Variants in FOXP2 observed in about 807,000 individuals in gnomAD.
FOXP2 encodes forkhead box P2, also known as forkhead box protein P2.
A neutral mutation model predicts 115.8 loss-of-function variants in FOXP2; 12 were observed. That is an observed-to-expected ratio of 0.10 (90% CI 0.07 to 0.17). FOXP2 has a LOEUF of 0.17. Among genes scored for constraint, FOXP2 ranks in the 10% least tolerant of loss-of-function variants. The pLI is 1.00. For missense variants in FOXP2, 629 were observed against 843.5 expected (o/e 0.75, Z 3.15); for synonymous variants, 328 against 297.7 (o/e 1.10, Z -1.05).
intron 10 of FOXP2, 21 bp downstream of exon 10, chr7:114,654,030 A>G (rs1353602902): frequency 1.9e-6 from 3 of 1,613,028 alleles, no homozygotes; most frequent in Non-Finnish European, 2.5e-6. Context: ...ATTGCTTTAT[A>G]AACAGTAAAT....
intron 2 of FOXP2, among the ~76,000 whole-genome samples, chr7:114,371,081 G>A (rs1375096750): frequency 6.6e-6 from 1 of 151,996 alleles, no homozygotes; most frequent in Non-Finnish European, 1.5e-5. Flanking sequence ...ATCTCAAATA[G>A]GAATACTCCT....
At chr7:114,633,071 A>G (rs1805007633) in intron 6 of FOXP2, among the ~76,000 whole-genome samples, 1 of 152,114 alleles carries the variant, frequency 6.6e-6, no homozygotes, top group Admixed American at 6.5e-5. Flanking sequence ...GTCAAGTTCA[A>G]ATGAAATCTG....
chr7:114,363,419 T>C (rs1424431818), intron 2 of FOXP2, among the ~76,000 whole-genome samples: 1 of 152,142 alleles, frequency 6.6e-6, no homozygotes, highest in African/African-American at 2.4e-5. Flanking sequence ...TTTAATGTTA[T>C]GTGGGAAAAA....
intron 1 of FOXP2, among the ~76,000 whole-genome samples, chr7:114,233,022 TG>T (rs1794924255): frequency 1.3e-5 from 2 of 151,890 alleles, no homozygotes; most frequent in African/African-American, 4.8e-5. Flanking sequence ...GGAGGAGAAA[TG>T]GGGAGCTTCC....
At chr7:114,557,551 C>T (rs909230097) in intron 3 of FOXP2, among the ~76,000 whole-genome samples, 3 of 150,418 alleles carry the variant, frequency 2.0e-5, no homozygotes, top group African/African-American at 7.4e-5. Context: ...CTAATTAGTG[C>T]TGCATTATAA....
At chr7:114,500,387 A>G (rs1209927844) in intron 2 of FOXP2, among the ~76,000 whole-genome samples, 2 of 151,960 alleles carry the variant, frequency 1.3e-5, no homozygotes, top group Non-Finnish European at 2.9e-5. Flanking sequence ...TACTTATTCC[A>G]TTGTTTCATG....
intron 1 of FOXP2, among the ~76,000 whole-genome samples, chr7:114,255,301 A>T (rs1176502034): frequency 6.6e-6 from 1 of 152,152 alleles, no homozygotes; most frequent in African/African-American, 2.4e-5. Flanking sequence ...TGGGAGAACC[A>T]CTACTCTTTT....
chr7:114,372,966 A>G (rs928341917), intron 2 of FOXP2, among the ~76,000 whole-genome samples: 4 of 151,894 alleles, frequency 2.6e-5, no homozygotes, highest in African/African-American at 9.7e-5. Flanking sequence ...CATTTGTGTA[A>G]TCATACTGGC....
intron 1 of FOXP2, among the ~76,000 whole-genome samples, chr7:114,178,019 T>A (rs1388536522): frequency 6.6e-6 from 1 of 151,948 alleles, no homozygotes; most frequent in Non-Finnish European, 1.5e-5. Flanking sequence ...AGTGGGGCTA[T>A]ACCATTAAGT....
chr7:114,512,800 T>C (rs983138410), intron 2 of FOXP2, among the ~76,000 whole-genome samples: 10 of 152,062 alleles, frequency 6.6e-5, no homozygotes, highest in African/African-American at 2.4e-4. Flanking sequence ...TTTTAAAAAC[T>C]AGGCTGGGTG....
At chr7:114,095,328 T>G (rs2129139819) in intron 1 of FOXP2, among the ~76,000 whole-genome samples, 1 of 152,304 alleles carries the variant, frequency 6.6e-6, no homozygotes, top group Admixed American at 6.5e-5. Context: ...TTCTTCCTGA[T>G]ACCCCATGAA....
chr7:114,498,957 C>G (rs959185253), intron 2 of FOXP2: 1 of 717,378 alleles, frequency 1.4e-6, no homozygotes, highest in South Asian at 1.5e-5. Context: ...CCTAGAAGAG[C>G]GATTCTCAAA....
chr7:114,495,160 A>G (rs1347279117), intron 2 of FOXP2, among the ~76,000 whole-genome samples: 1 of 152,160 alleles, frequency 6.6e-6, no homozygotes, highest in East Asian at 1.9e-4. Flanking sequence ...TACTTGATCA[A>G]AGTTAAATTT....
At chr7:114,183,547 G>T (rs757873321) in intron 1 of FOXP2, among the ~76,000 whole-genome samples, 2 of 152,026 alleles carry the variant, frequency 1.3e-5, no homozygotes, top group African/African-American at 2.4e-5. Flanking sequence ...ATTAACACTT[G>T]TATGATTTCC....
chr7:114,390,526 T>TTATG (rs1460063546), intron 2 of FOXP2, among the ~76,000 whole-genome samples: 29 of 138,480 alleles, frequency 2.1e-4, no homozygotes, highest in Admixed American at 9.7e-4. Context: ...ATTTATGTAT[T>TTATG]TATTTATTTA....
chr7:114,681,442 A>T (rs944946766), intron 16 of FOXP2, among the ~76,000 whole-genome samples: 1 of 152,188 alleles, frequency 6.6e-6, no homozygotes, highest in Non-Finnish European at 1.5e-5. Context: ...GTATATTATC[A>T]GAACTTCATA....
intron 2 of FOXP2, chr7:114,297,289 A>C: frequency 1.9e-6 from 1 of 539,692 alleles, no homozygotes. Context: ...GAACCCACAC[A>C]CCTCTGAATC....
chr7:114,484,037 C>T (rs1261500034), intron 2 of FOXP2, among the ~76,000 whole-genome samples: 1 of 151,648 alleles, frequency 6.6e-6, no homozygotes, highest in Admixed American at 6.6e-5. Context: ...ATAAAATATC[C>T]TTCTTAATGT....
At chr7:114,311,283 C>T (rs1797142166) in intron 2 of FOXP2, among the ~76,000 whole-genome samples, 1 of 152,112 alleles carries the variant, frequency 6.6e-6, no homozygotes, top group African/African-American at 2.4e-5. Flanking sequence ...GAGTCCAAGA[C>T]CCAGATTCTT....
Sources: allele counts gnomAD v4.1 joint callset (sites outside exome capture counted in the v4.1 genomes callset), GRCh38; gene constraint gnomAD v4.1.1; transcripts MANE v1.5; gene names NCBI Gene and HGNC (gene_info 2026-07-23, HGNC 2026-07-21).